The following MARCHF11 variants were observed in gnomAD, a reference collection of about 807,000 sequenced individuals.
MARCHF11 encodes the protein E3 ubiquitin-protein ligase MARCHF11.
Under a neutral mutation model 37.3 loss-of-function variants are expected in MARCHF11, and 29 were observed. That is an observed-to-expected ratio of 0.78 (90% CI 0.58 to 1.06). The LOEUF is 1.06. Ranked by LOEUF, MARCHF11 falls within the 50% of genes least tolerant of loss-of-function variation. The probability of loss-of-function intolerance (pLI) is 0.00; values close to 1 mark genes in which losing one functional copy is unlikely to be tolerated. For missense variants in MARCHF11, 482 were observed against 533.4 expected (o/e 0.90, Z 0.95); for synonymous variants, 233 against 228.0 (o/e 1.02, Z -0.20).
chr5:16,132,010 G>A (rs116186428), intron 2 of MARCHF11, among the ~76,000 whole-genome samples: 64 of 152,334 alleles, frequency 4.2e-4, no homozygotes, highest in South Asian at 8.3e-4. Context: ...CATGAGTGCC[G>A]TTCAGAGACT....
At chr5:16,162,037 A>G (rs187438035) in intron 2 of MARCHF11, among the ~76,000 whole-genome samples, 56 of 152,188 alleles carry the variant, frequency 3.7e-4, no homozygotes, top group African/African-American at 1.2e-3. Flanking sequence ...AAATAATTAT[A>G]GTCCAGGTAG....
intron 2 of MARCHF11, among the ~76,000 whole-genome samples, chr5:16,121,673 C>A (rs754367284): frequency 1.3e-5 from 2 of 152,168 alleles, no homozygotes; most frequent in Non-Finnish European, 2.9e-5. Context: ...AAGTGTCACA[C>A]TAGCAGTGTT....
chr5:16,089,979 T>G (rs1736764835), intron 3 of MARCHF11, among the ~76,000 whole-genome samples: 1 of 152,114 alleles, frequency 6.6e-6, no homozygotes, highest in Non-Finnish European at 1.5e-5. Flanking sequence ...CTGAAGCTGG[T>G]AGTCCTCAAG....
chr5:16,174,418 G>A (rs1161971222), intron 2 of MARCHF11, among the ~76,000 whole-genome samples: 1 of 152,150 alleles, frequency 6.6e-6, no homozygotes, highest in Non-Finnish European at 1.5e-5. Context: ...TCATGCTGCC[G>A]AGCATCACTG....
At chr5:16,123,847 C>G (rs111230183) in intron 2 of MARCHF11, among the ~76,000 whole-genome samples, 2 of 152,036 alleles carry the variant, frequency 1.3e-5, no homozygotes, top group Non-Finnish European at 2.9e-5. Context: ...TAAGTCACAG[C>G]CTTCTTTAAT....
rs1184382055 is a variant in MARCHF11 at position 16,179,214 on chromosome 5, TC to T, written c.361del (p.Glu121SerfsTer63). On this transcript the variant is annotated frameshift_variant, in exon 1 of 4. Transcript: ENST00000332432. LOFTEE classifies it high-confidence loss of function. ...CTCGCCGCCCGCGCCGGCCTCAGAC[TC>T]CCCGGGGCCGCCTTTCGCTGCTGCC... The part of the protein sequence containing the change: ...EAAAAKGGPG[E>X]SEAGAGGERE... 1 of 1,333,086 alleles carries T rather than the reference TC, an allele frequency of 7.5e-7. No homozygotes were observed. The highest frequency in any genetic ancestry group is 9.6e-7 in the Non-Finnish European group (1 of 1,046,960). 82.6% of individuals were successfully genotyped at this position (1,333,086 alleles called of 1,614,324 possible).
At chr5:16,132,251 AAGG>A (rs1737529207) in intron 2 of MARCHF11, among the ~76,000 whole-genome samples, 1 of 152,230 alleles carries the variant, frequency 6.6e-6, no homozygotes, top group Admixed American at 6.5e-5. Flanking sequence ...TACAGCTGAG[AAGG>A]AGAAGGGACA....
intron 2 of MARCHF11, among the ~76,000 whole-genome samples, chr5:16,172,583 T>C (rs2126610854): frequency 6.6e-6 from 1 of 152,296 alleles, no homozygotes; most frequent in East Asian, 1.9e-4. Context: ...GCAAATGTCT[T>C]GAATGATTTC....
Position 16,179,265 on chromosome 5 carries a change from TC to T in MARCHF11, c.310del (p.Glu104LysfsTer80). The T allele has an allele frequency of 1.5e-6, 2 of 1,313,940 alleles. No individual in the cohort carries two copies. The highest frequency in any genetic ancestry group is 2.0e-5 in the South Asian group (1 of 49,786). 81.4% of individuals were successfully genotyped at this position (1,313,940 alleles called of 1,614,324 possible). On this transcript the variant is annotated frameshift_variant, in exon 1 of 4. Coordinates refer to ENST00000332432, the MANE Select transcript of MARCHF11 (RefSeq NM_001102562.3). LOFTEE classifies it high-confidence loss of function. ...QEVAAAGDSG[E>X]GPRRLPEAAA... ...CGCCTCCGGGAGGCGCCTCGGACCT[TC>T]CCCGGAGTCGCCGGCCGCCGCCACT...
chr5:16,179,252 G>T lies in MARCHF11; in HGVS notation c.324C>A (p.Arg108=). Residue 108 remains arginine (R), a synonymous_variant, in exon 1 of 4, where the codon CGC becomes CGA. Transcript: ENST00000332432. ...AAGDSGEGPR[R]LPEAAAAKGG... is the part of the protein sequence containing the mutation. The stretch of plus-strand genomic sequence containing the variant: ...CTTTCGCTGCTGCCGCCTCCGGGAG[G>T]CGCCTCGGACCTTCCCCGGAGTCGC... 1 of 1,345,256 alleles carries T rather than the reference G, an allele frequency of 7.4e-7. No individual in the cohort carries two copies. The highest frequency in any genetic ancestry group is 9.5e-7 in the Non-Finnish European group (1 of 1,047,492). 83.3% of individuals were successfully genotyped at this position (1,345,256 alleles called of 1,614,324 possible). A position where few individuals can be genotyped will look rare whatever the true frequency, so the allele number is the denominator to read the frequency against.
At chr5:16,121,039 C>G (rs1175969656) in intron 2 of MARCHF11, among the ~76,000 whole-genome samples, 2 of 152,214 alleles carry the variant, frequency 1.3e-5, no homozygotes, top group African/African-American at 4.8e-5. Flanking sequence ...TCTTTATCCA[C>G]TTTGTTCCCC....
At chr5:16,132,982 T>G (rs1424104104) in intron 2 of MARCHF11, among the ~76,000 whole-genome samples, 1 of 152,218 alleles carries the variant, frequency 6.6e-6, no homozygotes, top group East Asian at 1.9e-4. Flanking sequence ...GAAATCTTCA[T>G]GTACTTAATC....
chr5:16,104,951 T>C (rs1241636100), intron 2 of MARCHF11, among the ~76,000 whole-genome samples: 1 of 151,954 alleles, frequency 6.6e-6, no homozygotes, highest in East Asian at 1.9e-4. Flanking sequence ...ACATCCCACA[T>C]CCCACAGTGC....
intron 3 of MARCHF11, among the ~76,000 whole-genome samples, chr5:16,082,662 G>A (rs59677259): frequency 0.027 from 4,172 of 152,132 alleles, 173 homozygotes; most frequent in African/African-American, 0.094. Flanking sequence ...CAGCAGAGGC[G>A]GGTGATATAC....
At chr5:16,078,056 T>C (rs1736548281) in intron 3 of MARCHF11, among the ~76,000 whole-genome samples, 1 of 152,254 alleles carries the variant, frequency 6.6e-6, no homozygotes, top group South Asian at 2.1e-4. Flanking sequence ...CACTTTATTG[T>C]TTATATAGAA....
chr5:16,122,863 T>C (rs1259574961), intron 2 of MARCHF11, among the ~76,000 whole-genome samples: 4 of 152,186 alleles, frequency 2.6e-5, no homozygotes, highest in Non-Finnish European at 4.4e-5. Context: ...TGTGCCCATG[T>C]TCTCTTAAAA....
In MARCHF11 at chr5:16,091,005, G is replaced by C. The variant is rs1025656881; in HGVS notation, c.770C>G (p.Ala257Gly). The C allele has an allele frequency of 6.2e-7, 1 of 1,611,848 alleles. No individual in the cohort carries two copies. Among genetic ancestry groups the C allele is most frequent in the Non-Finnish European group, 8.5e-7 (1 of 1,179,168 alleles). ...TGACCAGAGGAGCCAAGTCACACTG[G>C]CTATTAAGAACAGGGATCCTAGGAT... Reference protein sequence around the residue: ...AVILGSLFLIASVTWLLWSAF... With the variant: ...AVILGSLFLIGSVTWLLWSAF... Residue 257 changes from alanine (A) to glycine (G), a missense_variant, in exon 3 of 4, where the codon GCC (alanine) becomes GGC (glycine). Ala to Gly is a moderately conservative substitution (Grantham distance 60). Transcript: ENST00000332432.
intron 2 of MARCHF11, among the ~76,000 whole-genome samples, chr5:16,165,688 C>T (rs1344102619): frequency 6.6e-6 from 1 of 152,106 alleles, no homozygotes; most frequent in East Asian, 1.9e-4. Flanking sequence ...AATCTCATCA[C>T]ATCATATCAG....
At chr5:16,129,942 A>G (rs1041618198) in intron 2 of MARCHF11, among the ~76,000 whole-genome samples, 6 of 152,176 alleles carry the variant, frequency 3.9e-5, no homozygotes, top group African/African-American at 1.4e-4. Flanking sequence ...AAAACGAGGA[A>G]GGAGTCAAAT....
Sources: allele counts gnomAD v4.1 joint callset (sites outside exome capture counted in the v4.1 genomes callset), GRCh38; gene constraint gnomAD v4.1.1; transcripts MANE v1.5; gene names NCBI Gene and HGNC (gene_info 2026-07-23, HGNC 2026-07-21).